The following KCNIP4 variants were observed in gnomAD, a reference collection of about 807,000 sequenced individuals.
KCNIP4 encodes potassium voltage-gated channel interacting protein 4.
A neutral mutation model predicts 34.0 loss-of-function variants in KCNIP4; 12 were observed. That is an observed-to-expected ratio of 0.35 (90% CI 0.23 to 0.57). KCNIP4 has a LOEUF of 0.57. Ranked by LOEUF, KCNIP4 falls within the 20% of genes least tolerant of loss-of-function variation. KCNIP4 has a pLI of 0.83. For missense variants in KCNIP4, 238 were observed against 311.7 expected (o/e 0.76, Z 1.78); for synonymous variants, 124 against 102.2 (o/e 1.21, Z -1.29).
intron 1 of KCNIP4, among the ~76,000 whole-genome samples, chr4:21,388,809 A>T (rs1722271212): frequency 6.6e-6 from 1 of 152,080 alleles, no homozygotes; most frequent in African/African-American, 2.4e-5. Context: ...TAATATGATG[A>T]CCCATGTTGT....
chr4:21,239,547 C>A (rs1358524190), intron 1 of KCNIP4, among the ~76,000 whole-genome samples: 1 of 152,072 alleles, frequency 6.6e-6, no homozygotes, highest in African/African-American at 2.4e-5. Flanking sequence ...CAAACAACCC[C>A]ATCAAAAAGT....
At chr4:20,844,357 C>G (rs1720112690) in intron 3 of KCNIP4, among the ~76,000 whole-genome samples, 2 of 152,186 alleles carry the variant, frequency 1.3e-5, no homozygotes. Context: ...TTCTAAAGTA[C>G]ATGAATAACA....
chr4:21,732,780 C>T (rs916893736), intron 1 of KCNIP4, among the ~76,000 whole-genome samples: 10 of 152,170 alleles, frequency 6.6e-5, no homozygotes, highest in Non-Finnish European at 1.0e-4. Flanking sequence ...ACTCTGTCTA[C>T]TGATGTCTGC....
At chr4:20,806,503 TA>T (rs540413573) in intron 3 of KCNIP4, among the ~76,000 whole-genome samples, 42 of 151,974 alleles carry the variant, frequency 2.8e-4, no homozygotes, top group Non-Finnish European at 5.3e-4. Flanking sequence ...TTGACCTTCT[TA>T]TTTTTTTTTA....
At chr4:21,025,646 C>T (rs910772439) in intron 1 of KCNIP4, among the ~76,000 whole-genome samples, 4 of 147,556 alleles carry the variant, frequency 2.7e-5, no homozygotes, top group African/African-American at 5.0e-5. Flanking sequence ...CTCTGCCTCC[C>T]GGGTTCACGC....
At chr4:20,769,888 C>CT (rs1195764226) in intron 3 of KCNIP4, among the ~76,000 whole-genome samples, 2 of 152,226 alleles carry the variant, frequency 1.3e-5, no homozygotes, top group South Asian at 4.1e-4. Flanking sequence ...TTCTCACACT[C>CT]TGATTCTCTC....
chr4:21,387,035 C>T (rs1722094185), intron 1 of KCNIP4, among the ~76,000 whole-genome samples: 1 of 152,102 alleles, frequency 6.6e-6, no homozygotes, highest in Non-Finnish European at 1.5e-5. Context: ...ATAGAAACTG[C>T]ATTTTGGAGG....
chr4:21,631,041 G>A (rs981241961), intron 1 of KCNIP4, among the ~76,000 whole-genome samples: 1 of 152,050 alleles, frequency 6.6e-6, no homozygotes, highest in African/African-American at 2.4e-5. Flanking sequence ...ATTCTGTGAC[G>A]CTTCCTCACT....
chr4:21,576,327 G>A (rs1317926291), intron 1 of KCNIP4, among the ~76,000 whole-genome samples: 2 of 152,100 alleles, frequency 1.3e-5, no homozygotes, highest in African/African-American at 4.8e-5. Context: ...CCACTGCTCT[G>A]CTATATGACA....
chr4:21,897,420 C>T (rs893872185), intron 1 of KCNIP4, among the ~76,000 whole-genome samples: 35 of 151,996 alleles, frequency 2.3e-4, no homozygotes, highest in Admixed American at 1.7e-3. Context: ...TTTTTCTTGC[C>T]CTTGCTGTAA....
chr4:21,948,586 C>A lies in KCNIP4; in HGVS notation c.46G>T (p.Ala16Ser). Residue 16 changes from alanine to serine, a missense_variant, in exon 1 of 9, where the codon GCC (alanine) becomes TCC (serine). Physicochemically the swap from Ala to Ser is moderately conservative, Grantham distance 99. Transcript: ENST00000382152. Reference sequence around the variant, plus strand: ...TGCATCCTACCGCCTGTAGAGCTGGCCTCCTCCAGCTGAGCCGAAATGCTT... The same window carrying A: ...TGCATCCTACCGCCTGTAGAGCTGGACTCCTCCAGCTGAGCCGAAATGCTT... The part of the protein sequence containing the change: ...VESISAQLEE[A>S]SSTGGFLYAQ... The A allele has an allele frequency of 6.2e-7, 1 of 1,613,636 alleles. No individual in the cohort carries two copies. Among genetic ancestry groups the A allele is most frequent in the Non-Finnish European group, 8.5e-7 (1 of 1,179,772 alleles).
intron 1 of KCNIP4, chr4:20,916,318 T>C: frequency 1.0e-6 from 1 of 982,176 alleles, no homozygotes; most frequent in South Asian, 4.7e-5. Flanking sequence ...TTTAGAAGTG[T>C]TTACCTCTTT....
intron 1 of KCNIP4, among the ~76,000 whole-genome samples, chr4:20,978,220 G>A (rs974474532): frequency 1.3e-5 from 2 of 152,046 alleles, no homozygotes; most frequent in Non-Finnish European, 2.9e-5. Context: ...TTTGCCAGGG[G>A]ATTTTGATGT....
intron 3 of KCNIP4, among the ~76,000 whole-genome samples, chr4:20,779,609 C>CT (rs1756689672): frequency 2.4e-5 from 1 of 42,516 alleles, no homozygotes; most frequent in African/African-American, 9.2e-5. Flanking sequence ...GAAATGAAAA[C>CT]AAAAAAAATT....
chr4:21,275,540 C>T (rs937356564), intron 1 of KCNIP4, among the ~76,000 whole-genome samples: 3 of 152,240 alleles, frequency 2.0e-5, no homozygotes, highest in Non-Finnish European at 1.5e-5. Flanking sequence ...TCACCACAGG[C>T]CAGGTCTAAA....
chr4:20,969,945 AGTT>A (rs1480960384), intron 1 of KCNIP4, among the ~76,000 whole-genome samples: 3 of 142,360 alleles, frequency 2.1e-5, no homozygotes, highest in Admixed American at 7.5e-5. Flanking sequence ...TATTATCAGC[AGTT>A]TTTTTTTTTT....
intron 1 of KCNIP4, among the ~76,000 whole-genome samples, chr4:21,154,813 T>C (rs957907190): frequency 2.6e-4 from 40 of 152,152 alleles, no homozygotes; most frequent in African/African-American, 9.2e-4. Flanking sequence ...CCTCTTTTTG[T>C]CTTTCTGCTA....
At chr4:21,463,000 A>G (rs1355873265) in intron 1 of KCNIP4, among the ~76,000 whole-genome samples, 2 of 152,028 alleles carry the variant, frequency 1.3e-5, no homozygotes, top group Non-Finnish European at 2.9e-5. Flanking sequence ...TCTCCTTGAC[A>G]TACTGATTTC....
intron 3 of KCNIP4, among the ~76,000 whole-genome samples, chr4:20,794,584 T>C (rs994602396): frequency 5.9e-5 from 9 of 152,198 alleles, no homozygotes; most frequent in African/African-American, 1.9e-4. Context: ...GAACTGTAAA[T>C]CAAAGCAAAG....
Sources: allele counts gnomAD v4.1 joint callset (sites outside exome capture counted in the v4.1 genomes callset), GRCh38; gene constraint gnomAD v4.1.1; transcripts MANE v1.5; gene names NCBI Gene and HGNC (gene_info 2026-07-23, HGNC 2026-07-21).